The following CRTC3 variants were observed in gnomAD, a reference collection of about 807,000 sequenced individuals.
CRTC3 encodes the protein CREB-regulated transcription coactivator 3.
Under a neutral mutation model 74.5 loss-of-function variants are expected in CRTC3, and 26 were observed. The observed-to-expected ratio is 0.35, with a 90% CI of 0.26 to 0.48. The LOEUF is 0.48. Ranked by LOEUF, CRTC3 falls within the 20% of genes least tolerant of loss-of-function variation. The probability of loss-of-function intolerance (pLI) is 0.99; values close to 1 mark genes in which losing one functional copy is unlikely to be tolerated. For missense variants in CRTC3, 760 were observed against 787.3 expected, an observed-to-expected ratio of 0.97 and a Z score of 0.41; for synonymous variants, 377 against 325.8, an observed-to-expected ratio of 1.16 and a Z score of -1.69.
chr15:90,593,662 T>C lies in CRTC3; in HGVS notation c.258T>C (p.Val86=). Residue 86 remains valine (V), a synonymous_variant, in exon 3 of 15, where the codon GTT becomes GTC. Transcript: ENST00000268184. ...CGTCATTTCACCAAGCTGATAATGT[T>C]CGGGGAACCCGCCATCACGGGCTGG... is the stretch of plus-strand genomic sequence containing the variant. ...FQPSFHQADN[V]RGTRHHGLVE... 1.2e-6 allele frequency: 2 copies of C among 1,610,518 alleles called. No individual in the cohort carries two copies. Among genetic ancestry groups the C allele is most frequent in the Non-Finnish European group, 1.7e-6 (2 of 1,176,930 alleles).
intron 2 of CRTC3, among the ~76,000 whole-genome samples, chr15:90,576,519 T>G (rs1251409703): frequency 6.6e-6 from 1 of 151,798 alleles, no homozygotes; most frequent in Non-Finnish European, 1.5e-5. Flanking sequence ...GGCTGTTGAA[T>G]GTATAAGTCT....
At chr15:90,557,098 C>T (rs1966908415) in intron 2 of CRTC3, among the ~76,000 whole-genome samples, 1 of 151,766 alleles carries the variant, frequency 6.6e-6, no homozygotes, top group African/African-American at 2.4e-5. Flanking sequence ...TAAAAGTTCT[C>T]TTTGGCAGGA....
intron 11 of CRTC3, among the ~76,000 whole-genome samples, chr15:90,637,627 A>G (rs1969288987): frequency 6.6e-6 from 1 of 152,052 alleles, no homozygotes; most frequent in Non-Finnish European, 1.5e-5. Flanking sequence ...ATATCCAGAG[A>G]CCCTTAGTTT....
intron 11 of CRTC3, among the ~76,000 whole-genome samples, chr15:90,637,124 A>G (rs1230071136): frequency 1.3e-5 from 2 of 152,270 alleles, no homozygotes; most frequent in Non-Finnish European, 2.9e-5. Flanking sequence ...TTGCAGCACT[A>G]TTCACAATAG....
chr15:90,596,443 C>T (rs2151079239), intron 3 of CRTC3: 1 of 151,984 alleles, frequency 6.6e-6, no homozygotes, highest in Middle Eastern at 3.4e-3. Flanking sequence ...CTAGTCAACT[C>T]CTAAAGGAAG....
intron 2 of CRTC3, among the ~76,000 whole-genome samples, chr15:90,588,016 G>T (rs928643636): frequency 6.6e-6 from 1 of 151,772 alleles, no homozygotes. Flanking sequence ...GGGAGGCCGA[G>T]GGGGGTGGAT....
Position 90,625,868 on chromosome 15 carries a change from A to G in CRTC3, c.842A>G (p.His281Arg). The part of the protein sequence containing the change: ...GGSLPDLTNL[H>R]YSTPLPASLD... ...TCATTGCCAGATCTAACCAACCTCC[A>G]CTACTCGACACCCCTGCCAGCCTCC... The change falls in exon 10 of 15, where the codon CAC (histidine) becomes CGC (arginine). Residue 281 changes from histidine (H) to arginine (R), a missense_variant. Transcript: ENST00000268184. 6.2e-7 allele frequency: 1 copy of G among 1,614,142 alleles called. No individual in the cohort carries two copies. The highest frequency in any genetic ancestry group is 8.5e-7 in the Non-Finnish European group (1 of 1,180,006).
At chr15:90,555,690 G>T (rs1173370750) in intron 2 of CRTC3, among the ~76,000 whole-genome samples, 1 of 151,960 alleles carries the variant, frequency 6.6e-6, no homozygotes, top group Non-Finnish European at 1.5e-5. Flanking sequence ...GTTAATTTTT[G>T]TATTTTTAAT....
chr15:90,602,802 C>T (rs1209324829), intron 4 of CRTC3, among the ~76,000 whole-genome samples: 1 of 151,722 alleles, frequency 6.6e-6, no homozygotes, highest in Non-Finnish European at 1.5e-5. Context: ...CATGAAACCC[C>T]GTCTCTACTA....
intron 2 of CRTC3, among the ~76,000 whole-genome samples, chr15:90,589,412 C>T (rs1967746403): frequency 6.6e-6 from 1 of 152,178 alleles, no homozygotes; most frequent in Non-Finnish European, 1.5e-5. Flanking sequence ...AGTACAGTGG[C>T]TCAATCATAG....
At chr15:90,624,497 C>G (rs1968760745) in intron 9 of CRTC3, among the ~76,000 whole-genome samples, 1 of 152,178 alleles carries the variant, frequency 6.6e-6, no homozygotes, top group South Asian at 2.1e-4. Context: ...ACCCTCTGCC[C>G]TGACACCTGA....
intron 2 of CRTC3, among the ~76,000 whole-genome samples, chr15:90,557,763 G>A (rs532550398): frequency 1.1e-4 from 16 of 152,212 alleles, no homozygotes; most frequent in South Asian, 1.0e-3. Context: ...CAGAGGGACT[G>A]AGGCTGCCTC....
At chr15:90,596,551 A>G (rs552647701) in intron 3 of CRTC3, 7 of 152,336 alleles carry the variant, frequency 4.6e-5, no homozygotes, top group Non-Finnish European at 8.8e-5. Flanking sequence ...TGGTCTCCTA[A>G]GCTCCTAAAT....
chr15:90,545,359 C>CA (rs1395780377), intron 2 of CRTC3, among the ~76,000 whole-genome samples: 1 of 151,704 alleles, frequency 6.6e-6, no homozygotes, highest in African/African-American at 2.4e-5. Context: ...GGTACATACT[C>CA]AGAAGTAGGA....
At chr15:90,561,221 C>T (rs1967005007) in intron 2 of CRTC3, among the ~76,000 whole-genome samples, 1 of 152,184 alleles carries the variant, frequency 6.6e-6, no homozygotes, top group Non-Finnish European at 1.5e-5. Context: ...ATACATATTG[C>T]AAAGTTCCTA....
At chr15:90,572,878 T>C (rs1967308214) in intron 2 of CRTC3, among the ~76,000 whole-genome samples, 1 of 152,136 alleles carries the variant, frequency 6.6e-6, no homozygotes, top group African/African-American at 2.4e-5. Flanking sequence ...GCCCCGCCAA[T>C]ATATCCATTT....
At chr15:90,546,387 T>A (rs1966844363) in intron 2 of CRTC3, among the ~76,000 whole-genome samples, 1 of 152,166 alleles carries the variant, frequency 6.6e-6, no homozygotes, top group Admixed American at 6.6e-5. Flanking sequence ...TCTGTGTCAT[T>A]GGTTTCTTTG....
intron 2 of CRTC3, among the ~76,000 whole-genome samples, chr15:90,554,199 G>C (rs1966871268): frequency 6.6e-6 from 1 of 150,762 alleles, no homozygotes; most frequent in African/African-American, 2.4e-5. Flanking sequence ...CATTAGAGGT[G>C]TTTCCTCTTT....
intron 4 of CRTC3, among the ~76,000 whole-genome samples, chr15:90,602,777 C>T (rs1336405892): frequency 6.6e-6 from 1 of 151,802 alleles, no homozygotes; most frequent in African/African-American, 2.4e-5. Flanking sequence ...AGATTGAGAC[C>T]ATCCTGGCCA....
Sources: allele counts gnomAD v4.1 joint callset (sites outside exome capture counted in the v4.1 genomes callset), GRCh38; gene constraint gnomAD v4.1.1; transcripts MANE v1.5; gene names NCBI Gene and HGNC (gene_info 2026-07-23, HGNC 2026-07-21).